SLX4IP: variants seen among roughly 807,000 people sequenced by gnomAD.
The protein encoded by SLX4IP is SLX4 interacting protein.
A neutral mutation model predicts 32.9 loss-of-function variants in SLX4IP; 34 were observed. That is an observed-to-expected ratio of 1.03 (90% CI 0.79 to 1.38). SLX4IP has a LOEUF of 1.38. Ranked by LOEUF, SLX4IP falls within the 40% of genes most tolerant of loss-of-function variation. The pLI, the probability that SLX4IP is intolerant of heterozygous loss-of-function variation, is 0.00. For synonymous variants in SLX4IP, 172 were observed against 171.7 expected, an observed-to-expected ratio of 1.00 and a Z score of -0.01; for missense variants, 444 against 479.0, an observed-to-expected ratio of 0.93 and a Z score of 0.68.
In SLX4IP at chr20:10,626,342, A is replaced by G. The variant is rs2067174306; in HGVS notation, c.*2963A>G. 6.6e-6 allele frequency: 1 copy of G among 151,442 alleles called. No homozygotes were observed. The highest frequency in any genetic ancestry group is 2.1e-4 in the South Asian group (1 of 4,792). The allele number at this position is 151,442 out of a possible 1,614,324, so 9.4% of individuals were successfully genotyped here. A position where few individuals can be genotyped will look rare whatever the true frequency, so the allele number is the denominator to read the frequency against. On this transcript the variant is annotated 3_prime_UTR_variant, in exon 8 of 8. Coordinates refer to ENST00000334534, the MANE Select transcript of SLX4IP (RefSeq NM_001009608.3). ...GCCACCGCACCCGGCCTGTTTTGAC[A>G]TTCTTAATGATCTTAATAATTTGGC...
At chr20:10,541,638 C>T (rs773303742) in intron 2 of SLX4IP, among the ~76,000 whole-genome samples, 1 of 152,198 alleles carries the variant, frequency 6.6e-6, no homozygotes, top group African/African-American at 2.4e-5. Flanking sequence ...AGAACATGTG[C>T]ATCATCACAG....
At chr20:10,439,009 A>G (rs961641829) in intron 1 of SLX4IP, among the ~76,000 whole-genome samples, 2 of 151,776 alleles carry the variant, frequency 1.3e-5, no homozygotes, top group African/African-American at 4.8e-5. Context: ...CCTGGCCATC[A>G]TAATTATTTT....
At chr20:10,567,914 C>T (rs1040671014) in intron 4 of SLX4IP, among the ~76,000 whole-genome samples, 1 of 152,202 alleles carries the variant, frequency 6.6e-6, no homozygotes, top group Non-Finnish European at 1.5e-5. Context: ...TTGGGCAGTG[C>T]CACTGATTAG....
At chr20:10,545,094 TGCTGGTACTCTGGGAACCGGC>T (rs1256620484) in intron 2 of SLX4IP, among the ~76,000 whole-genome samples, 4 of 152,234 alleles carry the variant, frequency 2.6e-5, no homozygotes, top group South Asian at 2.1e-4. Flanking sequence ...ATGCTGTGGC[TGCTGGTACTCTGGGAACCGGC>T]TGCTGGTACT....
rs1378444247 is a variant in SLX4IP at position 10,560,725 on chromosome 20, C to A, written c.143C>A (p.Thr48Asn). The A allele has an allele frequency of 1.9e-6, 3 of 1,590,888 alleles. No homozygotes were observed. The South Asian group carries it at 3.4e-5, about 18-fold the overall frequency. The change falls in exon 4 of 8, where the codon ACC (threonine) becomes AAC (asparagine). Residue 48 changes from threonine to asparagine, a missense_variant. By Grantham distance (65) the Thr-to-Asn change is moderately conservative. Transcript: ENST00000334534. ...KEEVCLLLKE[T>N]IDSRVQEYLE... ...GAAGTCTGTTTACTGTTAAAAGAAA[C>A]CATTGATTCAAGAGTTCAGGAGTAC...
At position 10,626,274 on chromosome 20, in the gene SLX4IP, C is replaced by T. The variant is rs1463810560; in HGVS notation, c.*2895C>T. On this transcript the variant is annotated 3_prime_UTR_variant, in exon 8 of 8. Coordinates refer to ENST00000334534, the MANE Select transcript of SLX4IP (RefSeq NM_001009608.3). ...TGGTCTCGATCTCCTGACTCGTGAT[C>T]CGCCCGCCTCGGCCTCCCAAAGTGC... The T allele has an allele frequency of 1.4e-5, 2 of 145,660 alleles. No homozygotes were observed. The highest frequency in any genetic ancestry group is 4.0e-4 in the East Asian group (2 of 4,972). The allele number at this position is 145,660 out of a possible 1,614,324, so 9.0% of individuals were successfully genotyped here. A position where few individuals can be genotyped will look rare whatever the true frequency, so the allele number is the denominator to read the frequency against.
intron 5 of SLX4IP, among the ~76,000 whole-genome samples, chr20:10,600,674 C>T (rs945209543): frequency 4.6e-5 from 7 of 152,138 alleles, no homozygotes; most frequent in Admixed American, 3.3e-4. Flanking sequence ...ACCTTATTAC[C>T]TCAGTCATTG....
intron 1 of SLX4IP, among the ~76,000 whole-genome samples, chr20:10,457,260 G>T (rs2065292484): frequency 6.6e-6 from 1 of 152,040 alleles, no homozygotes; most frequent in Admixed American, 6.5e-5. Flanking sequence ...AAAAGAAGTG[G>T]CAAGAGCAGA....
chr20:10,510,972 G>C (rs1033805800), intron 2 of SLX4IP, among the ~76,000 whole-genome samples: 1 of 152,132 alleles, frequency 6.6e-6, no homozygotes, highest in Non-Finnish European at 1.5e-5. Flanking sequence ...CTGTACCTTT[G>C]AAGGACCCTG....
At chr20:10,500,127 A>ATTTT (rs1177959480) in intron 2 of SLX4IP, among the ~76,000 whole-genome samples, 1 of 78,400 alleles carries the variant, frequency 1.3e-5, no homozygotes. Flanking sequence ...ATGTGTCAAA[A>ATTTT]TTCTTTTTTT....
chr20:10,517,042 G>A (rs1400173547), intron 2 of SLX4IP, among the ~76,000 whole-genome samples: 5 of 152,184 alleles, frequency 3.3e-5, no homozygotes, highest in Non-Finnish European at 5.9e-5. Flanking sequence ...AATGAGCATG[G>A]GAGGAACTAT....
intron 2 of SLX4IP, among the ~76,000 whole-genome samples, chr20:10,496,244 G>T (rs1367260332): frequency 6.6e-6 from 1 of 152,050 alleles, no homozygotes; most frequent in Non-Finnish European, 1.5e-5. Context: ...TCAAGTCAGG[G>T]TATCCATCAC....
chr20:10,582,710 A>G (rs1405977987), intron 4 of SLX4IP, among the ~76,000 whole-genome samples: 1 of 152,228 alleles, frequency 6.6e-6, no homozygotes, highest in Non-Finnish European at 1.5e-5. Flanking sequence ...ACAATCACCT[A>G]TTAGATCATT....
chr20:10,532,780 T>C (rs1431411793), intron 2 of SLX4IP, among the ~76,000 whole-genome samples: 1 of 31,376 alleles, frequency 3.2e-5, no homozygotes, highest in Non-Finnish European at 1.1e-4. Context: ...CACAAGCAAT[T>C]TTTTTTTTTT....
At chr20:10,600,671 T>C (rs183918821) in intron 5 of SLX4IP, among the ~76,000 whole-genome samples, 24 of 152,304 alleles carry the variant, frequency 1.6e-4, no homozygotes, top group African/African-American at 5.5e-4. Flanking sequence ...GATACCTTAT[T>C]ACCTCAGTCA....
chr20:10,522,375 C>G (rs1235648355), intron 2 of SLX4IP, among the ~76,000 whole-genome samples: 2 of 152,116 alleles, frequency 1.3e-5, no homozygotes, highest in Admixed American at 6.5e-5. Flanking sequence ...TAAAGCTATG[C>G]AACGTTTTCT....
intron 1 of SLX4IP, among the ~76,000 whole-genome samples, chr20:10,442,228 T>A (rs2065164923): frequency 6.6e-6 from 1 of 152,168 alleles, no homozygotes; most frequent in Non-Finnish European, 1.5e-5. Context: ...TGCCTTAGAT[T>A]TTCCCACAGA....
At chr20:10,523,779 G>A (rs771155605) in intron 2 of SLX4IP, among the ~76,000 whole-genome samples, 1 of 152,218 alleles carries the variant, frequency 6.6e-6, no homozygotes, top group African/African-American at 2.4e-5. Flanking sequence ...TTAAAATTAT[G>A]AGCAGACTAA....
intron 2 of SLX4IP, among the ~76,000 whole-genome samples, chr20:10,496,311 T>C (rs2065667218): frequency 6.6e-6 from 1 of 152,154 alleles, no homozygotes; most frequent in Admixed American, 6.6e-5. Flanking sequence ...AGCTAGCCCT[T>C]TATTTTGTGT....
Sources: allele counts gnomAD v4.1 joint callset (sites outside exome capture counted in the v4.1 genomes callset), GRCh38; gene constraint gnomAD v4.1.1; transcripts MANE v1.5; gene names NCBI Gene and HGNC (gene_info 2026-07-23, HGNC 2026-07-21).